PRKCA: variants seen among roughly 807,000 people sequenced by gnomAD.
PRKCA encodes protein kinase C alpha, also known as protein kinase C alpha type.
Under a neutral mutation model 87.0 loss-of-function variants are expected in PRKCA, and 27 were observed. The ratio of observed to expected loss-of-function variants is 0.31; its 90% CI spans 0.23 to 0.43. PRKCA has a LOEUF of 0.43. PRKCA is among the 20% of genes least tolerant of loss of function. The pLI is 1.00. For missense variants in PRKCA, 518 were observed against 852.3 expected (o/e 0.61, Z 4.88); for synonymous variants, 329 against 311.1 (o/e 1.06, Z -0.61).
chr17:66,735,074 C>T (rs1973992584), intron 9 of PRKCA, among the ~76,000 whole-genome samples: 1 of 152,138 alleles, frequency 6.6e-6, no homozygotes, highest in Admixed American at 6.5e-5. Context: ...TTCTGTGGCC[C>T]CACATTTCAT....
chr17:66,567,016 G>A (rs1262603469), intron 3 of PRKCA, among the ~76,000 whole-genome samples: 1 of 152,096 alleles, frequency 6.6e-6, no homozygotes, highest in Non-Finnish European at 1.5e-5. Context: ...AAATACAATT[G>A]TCACATTATG....
intron 3 of PRKCA, among the ~76,000 whole-genome samples, chr17:66,622,422 T>G (rs1970713113): frequency 6.6e-6 from 1 of 152,238 alleles, no homozygotes; most frequent in Non-Finnish European, 1.5e-5. Flanking sequence ...ATGGCTCACT[T>G]CTTTTCATCT....
intron 3 of PRKCA, among the ~76,000 whole-genome samples, chr17:66,530,173 T>A (rs376570812): frequency 2.6e-4 from 40 of 152,328 alleles, no homozygotes; most frequent in African/African-American, 9.1e-4. Context: ...CATCAAAGAT[T>A]TTGAACAGTC....
chr17:66,354,132 T>G (rs527973927), intron 2 of PRKCA, among the ~76,000 whole-genome samples: 1 of 152,248 alleles, frequency 6.6e-6, no homozygotes, highest in Non-Finnish European at 1.5e-5. Flanking sequence ...TCTTCCTGAA[T>G]TGTGTCCTTG....
At chr17:66,796,670 A>C (rs1254548243) in intron 16 of PRKCA, 9 of 985,232 alleles carry the variant, frequency 9.1e-6, no homozygotes, top group African/African-American at 3.5e-5. Flanking sequence ...ATAGCTCCTT[A>C]GTATGGACAT....
chr17:66,339,429 A>G (rs541921995), intron 2 of PRKCA, among the ~76,000 whole-genome samples: 9 of 152,120 alleles, frequency 5.9e-5, no homozygotes, highest in Non-Finnish European at 1.3e-4. Flanking sequence ...CTCTCAACAC[A>G]AATAATGTTT....
intron 3 of PRKCA, among the ~76,000 whole-genome samples, chr17:66,596,571 CTT>C (rs10582567): frequency 0.13 from 14,325 of 113,704 alleles, 815 homozygotes; most frequent in South Asian, 0.22. Context: ...AATATTAAAC[CTT>C]TTTTTTTTTT....
At chr17:66,381,900 C>T (rs1020932914) in intron 2 of PRKCA, among the ~76,000 whole-genome samples, 3 of 151,992 alleles carry the variant, frequency 2.0e-5, no homozygotes, top group Non-Finnish European at 2.9e-5. Context: ...GGAAAGGATT[C>T]GAAACTCCAT....
At chr17:66,505,348 G>A (rs1316691589) in intron 3 of PRKCA, among the ~76,000 whole-genome samples, 1 of 152,152 alleles carries the variant, frequency 6.6e-6, no homozygotes, top group Non-Finnish European at 1.5e-5. Context: ...GGAGGGATGA[G>A]TATTTGCCCC....
chr17:66,645,342 G>A (rs756705703), intron 4 of PRKCA, 41 bp from the exon 5 acceptor site: 13 of 1,613,264 alleles, frequency 8.1e-6, no homozygotes, highest in Non-Finnish European at 1.1e-5. Context: ...GGTGGTTGGA[G>A]TCCATATGCC....
Position 66,424,568 on chromosome 17 carries a change from AACAC to A in PRKCA, c.206-71605_206-71602del, listed in dbSNP as rs141074503. ...GGCAGCAGAGCACGACCCTGTCTCA[AACAC>A]ACACACACACACACACACACACACA... is the stretch of plus-strand genomic sequence containing the variant. On this transcript the variant is annotated intron_variant, in intron 2 of 16. Coordinates refer to ENST00000413366, the MANE Select transcript of PRKCA (RefSeq NM_002737.3). Among the ~76,000 whole-genome samples the A allele has an allele frequency of 1.5e-3, 210 of 142,046 alleles. 2 individuals are homozygous for A. Among genetic ancestry groups the A allele is most frequent in the Middle Eastern group, 7.1e-3 (2 of 280 alleles). 93.2% of individuals were successfully genotyped at this position (142,046 alleles called of 152,430 possible). A position where few individuals can be genotyped will look rare whatever the true frequency, so the allele number is the denominator to read the frequency against.
intron 3 of PRKCA, among the ~76,000 whole-genome samples, chr17:66,622,262 T>C (rs1216957241): frequency 6.6e-6 from 1 of 152,228 alleles, no homozygotes; most frequent in Non-Finnish European, 1.5e-5. Context: ...TCATAAATAC[T>C]GAGTTGTTTA....
At chr17:66,498,241 C>T (rs778437581) in intron 3 of PRKCA, among the ~76,000 whole-genome samples, 10 of 151,026 alleles carry the variant, frequency 6.6e-5, no homozygotes, top group South Asian at 2.1e-4. Flanking sequence ...ATAGCTGGAA[C>T]GTAAAGTACT....
chr17:66,769,028 T>C (rs906891120), intron 13 of PRKCA, among the ~76,000 whole-genome samples: 1 of 152,208 alleles, frequency 6.6e-6, no homozygotes, highest in Non-Finnish European at 1.5e-5. Context: ...TTTTGTTAGT[T>C]TGAAATGAGA....
chr17:66,624,827 A>AAATAAAT (rs1567939166), intron 3 of PRKCA, among the ~76,000 whole-genome samples: 2 of 145,576 alleles, frequency 1.4e-5, no homozygotes, highest in African/African-American at 5.2e-5. Flanking sequence ...AATAAATAAA[A>AAATAAAT]AGAATTATTT....
chr17:66,707,015 C>G (rs1262093273), intron 8 of PRKCA, among the ~76,000 whole-genome samples: 2 of 152,076 alleles, frequency 1.3e-5, no homozygotes, highest in Non-Finnish European at 2.9e-5. Flanking sequence ...AGTGCAGGAC[C>G]CAGACCTCCT....
chr17:66,511,793 G>A (rs9891933), intron 3 of PRKCA, among the ~76,000 whole-genome samples: 9,561 of 151,522 alleles, frequency 0.063, 913 homozygotes, highest in African/African-American at 0.21. Context: ...AAATTCTCCT[G>A]CCTCAGCCTC....
chr17:66,410,360 G>T (rs1411881002), intron 2 of PRKCA, among the ~76,000 whole-genome samples: 1 of 152,094 alleles, frequency 6.6e-6, no homozygotes, highest in Non-Finnish European at 1.5e-5. Flanking sequence ...AAACTCAGAC[G>T]TGGCTGGTCT....
Position 66,806,001 on chromosome 17 carries a change from C to T in PRKCA, c.*1964C>T, listed in dbSNP as rs964215671. 1 of 152,272 alleles carries T rather than the reference C, an allele frequency of 6.6e-6. No individual in the cohort carries two copies. The highest frequency in any genetic ancestry group is 2.4e-5 in the African/African-American group (1 of 41,462). The allele number at this position is 152,272 out of a possible 1,614,324, so 9.4% of individuals were successfully genotyped here. A position where few individuals can be genotyped will look rare whatever the true frequency, so the allele number is the denominator to read the frequency against. ...CAGCCGTGCCCTGCAGGCACCAGCA[C>T]GTGCTTTTCAGAGGCTGCGGACTTT... On this transcript the variant is annotated 3_prime_UTR_variant, in exon 17 of 17. Coordinates refer to ENST00000413366, the MANE Select transcript of PRKCA (RefSeq NM_002737.3).
Sources: allele counts gnomAD v4.1 joint callset (sites outside exome capture counted in the v4.1 genomes callset), GRCh38; gene constraint gnomAD v4.1.1; transcripts MANE v1.5; gene names NCBI Gene and HGNC (gene_info 2026-07-23, HGNC 2026-07-21).